Variants in BABAM2 observed in about 807,000 individuals in gnomAD.
BABAM2 encodes BRISC and BRCA1-A complex member 2.
A neutral mutation model predicts 54.7 loss-of-function variants in BABAM2; 31 were observed. That is an observed-to-expected ratio of 0.57 (90% CI 0.43 to 0.77). BABAM2 has a LOEUF of 0.77. Ranked by LOEUF, BABAM2 falls within the 30% of genes least tolerant of loss-of-function variation. The probability of loss-of-function intolerance (pLI) is 0.00; values close to 1 mark genes in which losing one functional copy is unlikely to be tolerated. For missense variants in BABAM2, 364 were observed against 455.8 expected, an observed-to-expected ratio of 0.80 and a Z score of 1.83; for synonymous variants, 167 against 162.9, an observed-to-expected ratio of 1.03 and a Z score of -0.19.
chr2:28,019,396 G>T (rs1311038137), intron 4 of BABAM2, among the ~76,000 whole-genome samples: 1 of 151,662 alleles, frequency 6.6e-6, no homozygotes, highest in Non-Finnish European at 1.5e-5. Context: ...GATATTAGTT[G>T]TTTGTCAGAT....
chr2:27,953,128 C>T (rs182156425), intron 3 of BABAM2, among the ~76,000 whole-genome samples: 2 of 151,996 alleles, frequency 1.3e-5, no homozygotes, highest in African/African-American at 4.8e-5. Flanking sequence ...TTTAGGTGAT[C>T]CTCCTGAGTA....
chr2:28,284,805 A>G (rs1203095391), intron 10 of BABAM2, among the ~76,000 whole-genome samples: 2 of 152,204 alleles, frequency 1.3e-5, no homozygotes, highest in Non-Finnish European at 2.9e-5. Flanking sequence ...TAGGAAAAGA[A>G]ATTATATAGA....
chr2:28,067,552 C>T (rs1663720465), intron 6 of BABAM2, among the ~76,000 whole-genome samples: 1 of 152,042 alleles, frequency 6.6e-6, no homozygotes, highest in Non-Finnish European at 1.5e-5. Context: ...GAGGAAAGGC[C>T]CAGAGGTGGA....
chr2:28,119,339 G>C (rs1410764441), intron 6 of BABAM2, among the ~76,000 whole-genome samples: 3 of 152,184 alleles, frequency 2.0e-5, no homozygotes, highest in Non-Finnish European at 2.9e-5. Flanking sequence ...AAGCCAGGAA[G>C]CATCATTTGC....
At chr2:28,098,571 T>A (rs1032222829) in intron 6 of BABAM2, among the ~76,000 whole-genome samples, 1 of 152,202 alleles carries the variant, frequency 6.6e-6, no homozygotes, top group Non-Finnish European at 1.5e-5. Flanking sequence ...TCTAATTGCC[T>A]ATTCAGTCAA....
chr2:28,336,088 A>G (rs1691439165), intron 11 of BABAM2, among the ~76,000 whole-genome samples: 1 of 152,216 alleles, frequency 6.6e-6, no homozygotes, highest in African/African-American at 2.4e-5. Flanking sequence ...TGGTCAGGAA[A>G]GGGACAGAGA....
chr2:27,986,114 G>A (rs995632370), intron 3 of BABAM2, among the ~76,000 whole-genome samples: 1 of 152,070 alleles, frequency 6.6e-6, no homozygotes, highest in Non-Finnish European at 1.5e-5. Flanking sequence ...GAAAAGACAG[G>A]CTTGTAGATA....
At chr2:28,122,385 C>T (rs114963393) in intron 6 of BABAM2, among the ~76,000 whole-genome samples, 2,077 of 152,240 alleles carry the variant, frequency 0.014, 42 homozygotes, top group African/African-American at 0.047. Context: ...AGGAGGATCA[C>T]TTGAGCCCAG....
At chr2:28,236,434 G>A (rs1681924695) in intron 7 of BABAM2, among the ~76,000 whole-genome samples, 2 of 150,786 alleles carry the variant, frequency 1.3e-5, no homozygotes, top group Admixed American at 1.3e-4. Context: ...TGTGATCTTG[G>A]CTCACTGCAA....
chr2:28,054,873 C>T (rs1678273063), intron 6 of BABAM2, among the ~76,000 whole-genome samples: 2 of 152,154 alleles, frequency 1.3e-5, no homozygotes, highest in South Asian at 2.1e-4. Context: ...TATGATGGTA[C>T]TTAATACACT....
chr2:28,231,864 G>GAGTACTCTAACCATTCTAATGCT (rs1681434104), intron 7 of BABAM2, among the ~76,000 whole-genome samples: 2 of 130,412 alleles, frequency 1.5e-5, no homozygotes, highest in African/African-American at 5.6e-5. Context: ...CTAGAGTGCA[G>GAGTACTCTAACCATTCTAATGCT]TGGTATAAGC....
In BABAM2 at chr2:27,983,942, CTTT is replaced by C; in HGVS notation, c.206-4034_206-4032del. 6.1e-4 allele frequency among the ~76,000 whole-genome samples: 19 copies of C among 31,162 alleles called. 1 individual carries two copies. The highest frequency in any genetic ancestry group is 1.4e-3 in the African/African-American group (10 of 7,258). 20.4% of individuals were successfully genotyped at this position (31,162 alleles called of 152,430 possible). A position where few individuals can be genotyped will look rare whatever the true frequency, so the allele number is the denominator to read the frequency against. On this transcript the variant is annotated intron_variant, in intron 3 of 11. Transcript: ENST00000379624. ...TTTCCAATGTAGATACATTTTGTAC[CTTT>C]TTTTTTTTTTTTTTTTGCCAAATTG...
intron 6 of BABAM2, among the ~76,000 whole-genome samples, chr2:28,062,588 A>C (rs1224932072): frequency 2.7e-5 from 4 of 150,018 alleles, no homozygotes; most frequent in African/African-American, 7.3e-5. Context: ...AAAAAAAAAA[A>C]ACATATTTCC....
rs969428905 is a variant in BABAM2, at chr2:28,322,960, A to T, written c.1089-15490A>T. ...CCACATACCTCTGAGCAGAAAAGAA[A>T]GCCAGCCCAAGGCAGGAATTTTGCT... is the stretch of plus-strand genomic sequence containing the variant. On this transcript the variant is annotated intron_variant, in intron 11 of 11. Transcript: ENST00000379624. This position sits in a 1 kb window ranked among gnomAD's most constrained non-coding sequence, Gnocchi z 4.1. 1.3e-5 allele frequency among the ~76,000 whole-genome samples: 2 copies of T among 152,256 alleles called. No homozygotes were observed. The highest frequency in any genetic ancestry group is 4.8e-5 in the African/African-American group (2 of 41,468).
chr2:28,223,950 A>G (rs569718616), intron 7 of BABAM2, among the ~76,000 whole-genome samples: 1 of 152,280 alleles, frequency 6.6e-6, no homozygotes, highest in South Asian at 2.1e-4. Context: ...TCTCTCCCCA[A>G]GAGAAATCTC....
chr2:27,965,992 T>G (rs1462131131), intron 3 of BABAM2, among the ~76,000 whole-genome samples: 1 of 152,184 alleles, frequency 6.6e-6, no homozygotes, highest in African/African-American at 2.4e-5. Context: ...TTCCACAGTT[T>G]GATTTTGATG....
At chr2:27,985,092 TGTG>T (rs1457410550) in intron 3 of BABAM2, among the ~76,000 whole-genome samples, 1 of 151,376 alleles carries the variant, frequency 6.6e-6, no homozygotes, top group African/African-American at 2.4e-5. Flanking sequence ...TGTGTGTGTG[TGTG>T]TGTAGCTACG....
At chr2:27,927,638 C>T (rs1667804115) in intron 2 of BABAM2, among the ~76,000 whole-genome samples, 1 of 152,012 alleles carries the variant, frequency 6.6e-6, no homozygotes, top group South Asian at 2.1e-4. Context: ...CTAAAATGTA[C>T]TCTGAGAAAT....
intron 10 of BABAM2, among the ~76,000 whole-genome samples, chr2:28,254,728 A>ATTTTT (rs759661036): frequency 8.2e-6 from 1 of 122,402 alleles, no homozygotes; most frequent in Admixed American, 9.6e-5. Flanking sequence ...TTTTTTTTCA[A>ATTTTT]TTTTTTTTTT....
Sources: allele counts gnomAD v4.1 joint callset (sites outside exome capture counted in the v4.1 genomes callset), GRCh38; gene constraint gnomAD v4.1.1; non-coding constraint Gnocchi (gnomAD v3.1); transcripts MANE v1.5; gene names NCBI Gene and HGNC (gene_info 2026-07-23, HGNC 2026-07-21).